ARHGAP39: variants seen among roughly 807,000 people sequenced by gnomAD.
The protein encoded by ARHGAP39 is rho GTPase-activating protein 39.
A neutral mutation model predicts 106.9 loss-of-function variants in ARHGAP39; 44 were observed. The ratio of observed to expected loss-of-function variants is 0.41; its 90% CI spans 0.32 to 0.53. ARHGAP39 has a LOEUF of 0.53. ARHGAP39 is among the 20% of genes least tolerant of loss of function. The pLI is 0.21. For synonymous variants in ARHGAP39, 768 were observed against 693.2 expected, an observed-to-expected ratio of 1.11 and a Z score of -1.69; for missense variants, 1,496 against 1,577.3, an observed-to-expected ratio of 0.95 and a Z score of 0.87.
At position 144,545,643 on chromosome 8, in the gene ARHGAP39, G is replaced by A. The variant is rs200159632; in HGVS notation, c.2127C>T (p.Leu709=). The A allele has an allele frequency of 1.2e-6, 2 of 1,613,580 alleles. No homozygotes were observed. Reference sequence around the variant, plus strand: ...TGGCGATGGACACCTTCCGCCGGAAGAGGCCCTGCGTGTGCTTGTTGAAGT... The same window carrying A: ...TGGCGATGGACACCTTCCGCCGGAAAAGGCCCTGCGTGTGCTTGTTGAAGT... ...SKHFNKHTQG[L]FRRKVSIANM... is the part of the protein sequence containing the mutation. Residue 709 remains leucine (L), a synonymous_variant, in exon 6 of 12, where the codon CTC becomes CTT. Transcript: ENST00000377307.
intron 2 of ARHGAP39, among the ~76,000 whole-genome samples, chr8:144,594,088 CAA>C (rs149748913): frequency 2.3e-4 from 13 of 56,910 alleles, no homozygotes; most frequent in Middle Eastern, 8.6e-3. Context: ...GACTCCGTCT[CAA>C]AAAAAAAAAA....
Position 144,547,746 on chromosome 8 carries a change from T to G in ARHGAP39, c.1340A>C (p.Asp447Ala). The change falls in exon 5 of 12, where the codon GAC (aspartate) becomes GCC (alanine). Residue 447 changes from aspartate (D) to alanine (A), a missense_variant. Asp to Ala is a moderately radical substitution (Grantham distance 126, BLOSUM62 -2). Around this residue, in one of 4 missense-constraint regions of ARHGAP39, gnomAD observed 905 missense variants for 816.4 expected, o/e 1.11. Coordinates refer to ENST00000377307, the MANE Select transcript of ARHGAP39 (RefSeq NM_025251.3). The surrounding 1 kb of genome is among the most constrained non-coding windows in gnomAD (Gnocchi z 5.2). The part of the protein sequence containing the change: ...RDQRLGVKSG[D>A]YSTMEGPELR... ...CTCAGGTCCCTCCATGGTGCTGTAG[T>G]CTCCGGACTTGACGCCCAGGCGCTG... The G allele has an allele frequency of 6.3e-7, 1 of 1,598,450 alleles. No homozygotes were observed. The highest frequency in any genetic ancestry group is 8.5e-7 in the Non-Finnish European group (1 of 1,177,772).
Position 144,548,189 on chromosome 8 carries a change from C to T in ARHGAP39, c.897G>A (p.Ser299=). ...LAQPRKPSGD[S]QPSSPRYGYE... is the part of the protein sequence containing the mutation. Reference sequence around the variant, plus strand: ...AGCCATAGCGCGGGGAGGAGGGCTGCGAGTCCCCGGAGGGCTTTCGGGGCT... The same window carrying T: ...AGCCATAGCGCGGGGAGGAGGGCTGTGAGTCCCCGGAGGGCTTTCGGGGCT... Residue 299 remains serine, a synonymous_variant, in exon 5 of 12, where the codon TCG becomes TCA. Coordinates refer to ENST00000377307, the MANE Select transcript of ARHGAP39 (RefSeq NM_025251.3). The surrounding 1 kb of genome is among the most constrained non-coding windows in gnomAD (Gnocchi z 7.4). 1.9e-6 allele frequency: 3 copies of T among 1,581,114 alleles called. 1 individual carries two copies. In the South Asian group the frequency reaches 3.5e-5, roughly 18 times the overall value.
chr8:144,649,753 T>TA, intron 1 of ARHGAP39, among the ~76,000 whole-genome samples: 1 of 151,382 alleles, frequency 6.6e-6, no homozygotes, highest in African/African-American at 2.4e-5. Context: ...AAAAAATAAA[T>TA]AAAAAGCAAT....
chr8:144,670,888 C>T lies in ARHGAP39; in HGVS notation c.-82+14798G>A, dbSNP rs1391349084. Among the ~76,000 whole-genome samples, 3 of 152,190 alleles carry T rather than the reference C, an allele frequency of 2.0e-5. No individual in the cohort carries two copies. The highest frequency in any genetic ancestry group is 4.4e-5 in the Non-Finnish European group (3 of 68,034). Reference sequence around the variant, plus strand: ...ACTGCCAGCCCCGAGCACCACTGACCGGCACTCAGTTATCCATGGAATGGA... The same window carrying T: ...ACTGCCAGCCCCGAGCACCACTGACTGGCACTCAGTTATCCATGGAATGGA... On this transcript the variant is annotated intron_variant, in intron 1 of 11. Transcript: ENST00000377307. This position sits in a 1 kb window ranked among gnomAD's most constrained non-coding sequence, Gnocchi z 4.4.
chr8:144,675,380 C>T lies in ARHGAP39; in HGVS notation c.-82+10306G>A, dbSNP rs140746944. On this transcript the variant is annotated intron_variant, in intron 1 of 11. Transcript: ENST00000377307. The stretch of plus-strand genomic sequence containing the variant: ...TTCTTGGTCTTGCTGACTTCAAGAA[C>T]GAAGCCGCGGACCCTCGCGGTGAGT... Among the ~76,000 whole-genome samples the T allele has an allele frequency of 2.1e-3, 320 of 152,280 alleles. 3 individuals carry two copies. Among genetic ancestry groups the T allele is most frequent in the African/African-American group, 7.4e-3 (306 of 41,562 alleles).
At chr8:144,657,491 C>CT (rs1821726085) in intron 1 of ARHGAP39, among the ~76,000 whole-genome samples, 1 of 152,064 alleles carries the variant, frequency 6.6e-6, no homozygotes, top group Non-Finnish European at 1.5e-5. Context: ...TTTATAAAGC[C>CT]AATAGTACAA....
chr8:144,627,698 C>T (rs1036251316), intron 1 of ARHGAP39, among the ~76,000 whole-genome samples: 2 of 152,138 alleles, frequency 1.3e-5, no homozygotes, highest in African/African-American at 2.4e-5. Flanking sequence ...GTTGAGGCTA[C>T]AGTGAGCCGA....
At chr8:144,588,997 C>G (rs1440203627) in intron 2 of ARHGAP39, among the ~76,000 whole-genome samples, 1 of 152,232 alleles carries the variant, frequency 6.6e-6, no homozygotes, top group African/African-American at 2.4e-5. Context: ...ATCAATGTCA[C>G]GTGGGACCCG....
At chr8:144,605,914 T>C (rs1820273609) in intron 1 of ARHGAP39, 1 of 428,760 alleles carries the variant, frequency 2.3e-6, no homozygotes, top group Non-Finnish European at 4.3e-6. Context: ...GCAGGGAGGC[T>C]GTGCCCACCA....
intron 1 of ARHGAP39, among the ~76,000 whole-genome samples, chr8:144,682,497 C>T (rs1464600818): frequency 6.8e-6 from 1 of 146,238 alleles, no homozygotes; most frequent in South Asian, 2.2e-4. Context: ...TGCAGTGAGC[C>T]GAGATCACGC....
intron 8 of ARHGAP39, 120 bp downstream of exon 8, chr8:144,534,009 C>G: frequency 1.7e-6 from 2 of 1,156,590 alleles, no homozygotes; most frequent in Non-Finnish European, 2.5e-6. Context: ...TAGGCGGGCT[C>G]CATGTGGCAC....
In ARHGAP39 at chr8:144,545,835, C is replaced by T. The variant is rs774699343; in HGVS notation, c.1960-25G>A. 4.6e-5 allele frequency: 64 copies of T among 1,378,174 alleles called. 1 individual carries two copies. In the South Asian group the frequency reaches 7.8e-4, roughly 17 times the overall value. The allele number at this position is 1,378,174 out of a possible 1,614,324, so 85.4% of individuals were successfully genotyped here. Reference sequence around the variant, plus strand: ...ACTGAGAAGGACAAATGCGGCTGGGCTGTTGGGGGTGGGGGAGGGCCAGGC... The same window carrying T: ...ACTGAGAAGGACAAATGCGGCTGGGTTGTTGGGGGTGGGGGAGGGCCAGGC... On this transcript the variant is annotated intron_variant, in intron 5 of 11. Transcript: ENST00000377307.
At chr8:144,611,907 G>A (rs1175227435) in intron 1 of ARHGAP39, among the ~76,000 whole-genome samples, 4 of 151,818 alleles carry the variant, frequency 2.6e-5, no homozygotes, top group African/African-American at 9.7e-5. Flanking sequence ...TACTCGGGAA[G>A]ACGAGGCAGG....
At chr8:144,668,463 TA>T (rs990025094) in intron 1 of ARHGAP39, among the ~76,000 whole-genome samples, 1 of 151,866 alleles carries the variant, frequency 6.6e-6, no homozygotes, top group African/African-American at 2.4e-5. Context: ...TAACAAAAAA[TA>T]AAAACCAATA....
chr8:144,595,151 T>C (rs1371741079), intron 2 of ARHGAP39, among the ~76,000 whole-genome samples: 1 of 152,216 alleles, frequency 6.6e-6, no homozygotes, highest in East Asian at 1.9e-4. Context: ...CAAATGTTCA[T>C]GGCAGCATGA....
At chr8:144,640,845 C>T (rs1821295112) in intron 1 of ARHGAP39, among the ~76,000 whole-genome samples, 1 of 152,122 alleles carries the variant, frequency 6.6e-6, no homozygotes, top group African/African-American at 2.4e-5. Context: ...GATAAGCGTC[C>T]CACGAAACAT....
chr8:144,583,555 C>T (rs1244515626), intron 2 of ARHGAP39, among the ~76,000 whole-genome samples: 1 of 152,196 alleles, frequency 6.6e-6, no homozygotes, highest in Non-Finnish European at 1.5e-5. Context: ...AGGCCCCTGA[C>T]ATCCTGTTTC....
At chr8:144,677,824 T>C (rs1300814674) in intron 1 of ARHGAP39, among the ~76,000 whole-genome samples, 2 of 152,178 alleles carry the variant, frequency 1.3e-5, no homozygotes, top group Non-Finnish European at 2.9e-5. Flanking sequence ...TGAGCTCCCT[T>C]TGTACTTTTG....
Sources: gnomAD v4.1 joint callset for allele counts (sites outside exome capture counted in the v4.1 genomes callset) on GRCh38, gnomAD v4.1.1 for gene constraint, gnomAD v4.1.1 regional missense constraint, Gnocchi (gnomAD v3.1) non-coding constraint, MANE v1.5 for transcripts, NCBI Gene and HGNC (gene_info 2026-07-23, HGNC 2026-07-21) for gene names.